Variants in ATPAF1 observed in about 807,000 individuals in gnomAD.
ATPAF1 encodes ATP synthase mitochondrial F1 complex assembly factor 1.
In ATPAF1, 26 loss-of-function variants were observed where a neutral mutation model predicts 43.9. The ratio of observed to expected loss-of-function variants is 0.59; its 90% CI spans 0.43 to 0.82. The LOEUF is 0.82. Among genes scored for constraint, ATPAF1 ranks in the 40% least tolerant of loss-of-function variants. The pLI is 0.00. For missense variants in ATPAF1, 366 were observed against 435.0 expected, an observed-to-expected ratio of 0.84 and a Z score of 1.41; for synonymous variants, 157 against 168.0, an observed-to-expected ratio of 0.93 and a Z score of 0.50.
At chr1:46,654,900 A>C (rs939207330) in intron 4 of ATPAF1, among the ~76,000 whole-genome samples, 6 of 152,114 alleles carry the variant, frequency 3.9e-5, no homozygotes, top group African/African-American at 9.7e-5. Flanking sequence ...ATAGTATTCC[A>C]TGGTGTAAAT....
intron 1 of ATPAF1, chr1:46,666,502 A>G (rs1470343408): frequency 2.6e-5 from 4 of 152,256 alleles, no homozygotes; most frequent in Non-Finnish European, 5.9e-5. Flanking sequence ...CAGACTCCCT[A>G]CCTCAAGGAG....
chr1:46,650,943 G>A (rs1306342223), intron 6 of ATPAF1, among the ~76,000 whole-genome samples: 1 of 151,920 alleles, frequency 6.6e-6, no homozygotes, highest in Non-Finnish European at 1.5e-5. Context: ...AGTGTTCTAC[G>A]GCACTATGGA....
At chr1:46,634,228 G>T (rs973742241), downstream of ATPAF1, 1 of 216,678 alleles carries the variant, frequency 4.6e-6, no homozygotes, top group Admixed American at 5.6e-5. Context: ...CACACAAACT[G>T]CGAATACTGC....
rs565415922 is a variant in ATPAF1 at position 46,664,861 on chromosome 1, T to C, written c.375+395A>G. 2.8e-4 allele frequency: 49 copies of C among 177,508 alleles called. 1 individual carries two copies. In the South Asian group the frequency reaches 5.2e-3, roughly 19 times the overall value. 11.0% of individuals were successfully genotyped at this position (177,508 alleles called of 1,614,324 possible). A position where few individuals can be genotyped will look rare whatever the true frequency, so the allele number is the denominator to read the frequency against. On this transcript the variant is annotated intron_variant, in intron 2 of 8. Coordinates refer to ENST00000574428, the Ensembl canonical transcript of ATPAF1. The stretch of plus-strand genomic sequence containing the variant: ...ACATCTAGTTCTTTACAGAAAAAAT[T>C]TGATGACCCCTGCTCTACATCAAAG...
At chr1:46,638,570 C>T (rs556352003) in intron 8 of ATPAF1, among the ~76,000 whole-genome samples, 2 of 151,072 alleles carry the variant, frequency 1.3e-5, no homozygotes, top group Admixed American at 6.6e-5. Context: ...TGCAGTGAGC[C>T]GAGATCCAGC....
intron 6 of ATPAF1, among the ~76,000 whole-genome samples, chr1:46,651,896 G>T (rs534437180): frequency 0.013 from 2,016 of 152,172 alleles, 40 homozygotes; most frequent in African/African-American, 0.046. Flanking sequence ...CTTCTCAAAA[G>T]AAGACATTTA....
intron 4 of ATPAF1, 79 bp downstream of exon 4, chr1:46,658,048 T>C: frequency 2.3e-6 from 3 of 1,308,658 alleles, no homozygotes; most frequent in Non-Finnish European, 3.3e-6. Flanking sequence ...TAGAAAGAGG[T>C]GTCAGAAAAT....
Position 46,653,336 on chromosome 1 carries a change from TAAGAATAATTTCAAG to T in ATPAF1, c.540+466_540+480del. On this transcript the variant is annotated intron_variant, in intron 5 of 8. Transcript: ENST00000574428. The surrounding 1 kb of genome is among the most constrained non-coding windows in gnomAD (Gnocchi z 4.8). ...TCAAGCAGTAGATGGTGACCATCTCTAAGAATAATTTCAAGAAGGGAAAGACCAAGAAAATGCCAC... is the reference window on the plus strand; with the variant it reads ...TCAAGCAGTAGATGGTGACCATCTCTAAGGGAAAGACCAAGAAAATGCCAC... Among the ~76,000 whole-genome samples, 1 of 152,032 alleles carries T rather than the reference TAAGAATAATTTCAAG, an allele frequency of 6.6e-6. No individual in the cohort carries two copies. The highest frequency in any genetic ancestry group is 1.9e-4 in the East Asian group (1 of 5,178).
At chr1:46,635,949 T>C (rs548918610) in exon 9 of ATPAF1, 2 of 1,614,152 alleles carry the variant, frequency 1.2e-6, no homozygotes, top group Non-Finnish European at 1.7e-6. Context: ...TGGTTGGCGA[T>C]GCACTGTGCC....
At chr1:46,663,561 T>G (rs952144525) in intron 2 of ATPAF1, among the ~76,000 whole-genome samples, 1 of 152,236 alleles carries the variant, frequency 6.6e-6, no homozygotes, top group Non-Finnish European at 1.5e-5. Context: ...TCATGTGTCT[T>G]TTGGCTGCAT....
rs1467410787 is a variant in ATPAF1 at position 46,646,338 on chromosome 1, C to T, written c.589-1082G>A. ...ATTGTAGAAGTTTATCACTATTTATCCTTCTCTTGATGGATGTTTCAATTT... is the reference window on the plus strand; with the variant it reads ...ATTGTAGAAGTTTATCACTATTTATTCTTCTCTTGATGGATGTTTCAATTT... On this transcript the variant is annotated intron_variant, in intron 6 of 8. Transcript: ENST00000574428. Among the ~76,000 whole-genome samples, 16 of 152,186 alleles carry T rather than the reference C, an allele frequency of 1.1e-4. 1 individual carries two copies. The highest frequency in any genetic ancestry group is 9.2e-4 in the Admixed American group (14 of 15,278).
At chr1:46,637,307 G>A (rs1163349912) in intron 8 of ATPAF1, among the ~76,000 whole-genome samples, 1 of 152,112 alleles carries the variant, frequency 6.6e-6, no homozygotes, top group Non-Finnish European at 1.5e-5. Context: ...TTGAGACCAG[G>A]AGTTTGAGGC....
chr1:46,645,385 A>T, intron 6 of ATPAF1, 129 bp from the exon 7 acceptor site: 1 of 732,172 alleles, frequency 1.4e-6, no homozygotes, highest in Non-Finnish European at 2.2e-6. Flanking sequence ...TTTTTTTGAG[A>T]CAGGTTCTCG....
intron 6 of ATPAF1, 76 bp from the exon 7 acceptor site, chr1:46,645,332 T>A: frequency 8.9e-7 from 1 of 1,119,584 alleles, no homozygotes; most frequent in Non-Finnish European, 1.3e-6. Context: ...CCTGTAACAT[T>A]CATTCCATTT....
downstream of ATPAF1, chr1:46,633,527 C>T: frequency 2.8e-6 from 1 of 352,958 alleles, no homozygotes. Flanking sequence ...TAAAGCCTGT[C>T]CACTTTCTAT....
chr1:46,667,241 A>G (rs1359499922), intron 1 of ATPAF1, among the ~76,000 whole-genome samples: 3 of 151,980 alleles, frequency 2.0e-5, no homozygotes, highest in African/African-American at 7.3e-5. Flanking sequence ...GTGGAAGTAG[A>G]GATGAGACAG....
intron 2 of ATPAF1, among the ~76,000 whole-genome samples, chr1:46,663,417 T>C (rs1163394487): frequency 6.6e-6 from 1 of 152,248 alleles, no homozygotes; most frequent in Admixed American, 6.5e-5. Flanking sequence ...AAAGTGTTCC[T>C]ATTTCTCCAC....
intron 6 of ATPAF1, 138 bp downstream of exon 6, chr1:46,652,439 GTACA>G: frequency 1.3e-6 from 1 of 770,668 alleles, no homozygotes; most frequent in Admixed American, 2.9e-5. Flanking sequence ...TAACTTATTA[GTACA>G]ATCAACATGT....
At chr1:46,658,691 T>C (rs1676326128) in exon 3 of ATPAF1, 1 of 1,599,978 alleles carries the variant, frequency 6.3e-7, no homozygotes, top group East Asian at 2.3e-5. Flanking sequence ...ACCTACCTTG[T>C]CCTTAGTGAA....
Sources: allele counts gnomAD v4.1 joint callset (sites outside exome capture counted in the v4.1 genomes callset), GRCh38; gene constraint gnomAD v4.1.1; non-coding constraint Gnocchi (gnomAD v3.1); transcripts MANE v1.5; gene names NCBI Gene and HGNC (gene_info 2026-07-23, HGNC 2026-07-21).